TMEM45B: variants seen among roughly 807,000 people sequenced by gnomAD.
The protein encoded by TMEM45B is transmembrane protein 45B.
In TMEM45B, 29 loss-of-function variants were observed where a neutral mutation model predicts 27.3. The observed-to-expected ratio is 1.06, with a 90% confidence interval of 0.79 to 1.45. The LOEUF (loss-of-function observed/expected upper bound fraction) is 1.45, where lower values mean the gene tolerates loss of function less well. Ranked by LOEUF, TMEM45B falls within the 40% of genes most tolerant of loss-of-function variation. The pLI, the probability that TMEM45B is intolerant of heterozygous loss-of-function variation, is 0.00. For synonymous variants in TMEM45B, 143 were observed against 134.7 expected (o/e 1.06, Z -0.43); for missense variants, 348 against 343.9 (o/e 1.01, Z -0.09).
chr11:129,836,349 G>A (rs1947619815), intron 1 of TMEM45B, among the ~76,000 whole-genome samples: 1 of 152,252 alleles, frequency 6.6e-6, no homozygotes, highest in Admixed American at 6.5e-5. Context: ...TGGTTTAGAC[G>A]ATACTTACAT....
chr11:129,828,471 C>T (rs558980999), intron 1 of TMEM45B, among the ~76,000 whole-genome samples: 3 of 152,276 alleles, frequency 2.0e-5, no homozygotes, highest in Non-Finnish European at 2.9e-5. Flanking sequence ...AGAGCAGGGA[C>T]GTGACTTAGT....
At chr11:129,856,704 C>T (rs796683604) in intron 4 of TMEM45B, among the ~76,000 whole-genome samples, 5 of 147,804 alleles carry the variant, frequency 3.4e-5, no homozygotes, top group East Asian at 2.1e-4. Context: ...GGACTACAGG[C>T]GCCCGCCACC....
intron 1 of TMEM45B, among the ~76,000 whole-genome samples, chr11:129,827,595 G>A (rs1947500909): frequency 6.6e-6 from 1 of 152,052 alleles, no homozygotes; most frequent in African/African-American, 2.4e-5. Flanking sequence ...CGTGAGGTCG[G>A]GAGTTTGAGA....
chr11:129,848,173 A>G (rs1304578267), intron 1 of TMEM45B, among the ~76,000 whole-genome samples: 1 of 151,958 alleles, frequency 6.6e-6, no homozygotes, highest in Non-Finnish European at 1.5e-5. Context: ...GGCAGCTGGG[A>G]GGTGGAGGTT....
At chr11:129,849,014 C>T (rs540430119) in intron 1 of TMEM45B, among the ~76,000 whole-genome samples, 1 of 152,220 alleles carries the variant, frequency 6.6e-6, no homozygotes, top group African/African-American at 2.4e-5. Flanking sequence ...GACCCATTCA[C>T]ACCATAGCAT....
intron 1 of TMEM45B, among the ~76,000 whole-genome samples, chr11:129,849,165 A>T (rs1487023795): frequency 6.6e-6 from 1 of 152,222 alleles, no homozygotes; most frequent in African/African-American, 2.4e-5. Context: ...GTCAGGTGTG[A>T]GAGAGACTCA....
At chr11:129,843,135 T>A (rs1161042200) in intron 1 of TMEM45B, among the ~76,000 whole-genome samples, 2 of 152,148 alleles carry the variant, frequency 1.3e-5, no homozygotes, top group Non-Finnish European at 2.9e-5. Context: ...GAGATGGAGT[T>A]TTGCCATGTT....
chr11:129,833,824 T>C (rs1458143198), intron 1 of TMEM45B, among the ~76,000 whole-genome samples: 1 of 152,042 alleles, frequency 6.6e-6, no homozygotes, highest in African/African-American at 2.4e-5. Flanking sequence ...AGAAGACCAT[T>C]TGAAGAAATA....
At chr11:129,831,047 T>C (rs1018778260) in intron 1 of TMEM45B, among the ~76,000 whole-genome samples, 2 of 152,208 alleles carry the variant, frequency 1.3e-5, no homozygotes, top group African/African-American at 4.8e-5. Context: ...CTATATTTTT[T>C]CCTAGATGTA....
intron 1 of TMEM45B, among the ~76,000 whole-genome samples, chr11:129,832,022 C>A (rs1651676): frequency 0.89 from 127,495 of 143,552 alleles, 57,042 homozygotes; most frequent in East Asian, 1. Flanking sequence ...GCCGAGACCA[C>A]GCCATTGCAC....
chr11:129,854,786 C>T lies in TMEM45B; in HGVS notation c.355C>T (p.Leu119=). 1.2e-6 allele frequency: 2 copies of T among 1,614,050 alleles called. No individual in the cohort carries two copies. Among genetic ancestry groups the T allele is most frequent in the Non-Finnish European group, 1.7e-6 (2 of 1,180,038 alleles). ...VSHVPLGVDR[L]VMAVAVFMEG... ...CCACGTTCCCTTGGGGGTGGACAGACTGGTTATGGCTGTGGCAGTATTCAT... is the reference window on the plus strand; with the variant it reads ...CCACGTTCCCTTGGGGGTGGACAGATTGGTTATGGCTGTGGCAGTATTCAT... The change falls in exon 3 of 6, where the codon CTG becomes TTG. Residue 119 remains leucine, a synonymous_variant. Transcript: ENST00000281441.
chr11:129,829,961 C>G (rs1450068521), intron 1 of TMEM45B, among the ~76,000 whole-genome samples: 2 of 152,206 alleles, frequency 1.3e-5, no homozygotes, highest in Non-Finnish European at 2.9e-5. Flanking sequence ...TAACAAATGG[C>G]TGGGACACTT....
intron 1 of TMEM45B, among the ~76,000 whole-genome samples, chr11:129,826,202 G>A (rs1177694066): frequency 6.6e-6 from 1 of 151,980 alleles, no homozygotes; most frequent in Non-Finnish European, 1.5e-5. Flanking sequence ...AGACATAAAG[G>A]AATTTCAGAA....
At chr11:129,829,901 A>G (rs1283538965) in intron 1 of TMEM45B, among the ~76,000 whole-genome samples, 1 of 152,248 alleles carries the variant, frequency 6.6e-6, no homozygotes, top group Non-Finnish European at 1.5e-5. Context: ...AAGAGTAGAA[A>G]GATAGACAAG....
At chr11:129,853,776 CTG>C (rs1435446761) in intron 2 of TMEM45B, among the ~76,000 whole-genome samples, 1 of 152,112 alleles carries the variant, frequency 6.6e-6, no homozygotes, top group Non-Finnish European at 1.5e-5. Flanking sequence ...CTTCCTGACT[CTG>C]TGTGTGGGAA....
Position 129,858,633 on chromosome 11 carries a change from ATTCAGATGACACTTACCAGACCGCCCTC to A in TMEM45B, c.779_806del (p.Ser260Ter). On this transcript the variant is annotated frameshift_variant, in exon 6 of 6. Coordinates refer to ENST00000281441, the MANE Select transcript of TMEM45B (RefSeq NM_138788.5). LOFTEE classifies it high-confidence loss of function. Reference sequence around the variant, plus strand: ...GAAATCATTGGAATTCAGAAGCTGAATTCAGATGACACTTACCAGACCGCCCTCTTGAGTGGCTCAGATGAGGAATGAG... The same window carrying A: ...GAAATCATTGGAATTCAGAAGCTGAATTGAGTGGCTCAGATGAGGAATGAG... 3 of 1,584,488 alleles carry A rather than the reference ATTCAGATGACACTTACCAGACCGCCCTC, an allele frequency of 1.9e-6. No homozygotes were observed. The highest frequency in any genetic ancestry group is 2.6e-6 in the Non-Finnish European group (3 of 1,164,232).
At chr11:129,854,502 C>A in intron 2 of TMEM45B, 108 bp from the exon 3 acceptor site, 2 of 1,149,898 alleles carry the variant, frequency 1.7e-6, no homozygotes, top group Non-Finnish European at 2.5e-6. Flanking sequence ...GCGGGCCACC[C>A]TCACCTCACC....
At chr11:129,850,036 C>T (rs953804206) in intron 1 of TMEM45B, among the ~76,000 whole-genome samples, 1 of 152,162 alleles carries the variant, frequency 6.6e-6, no homozygotes, top group African/African-American at 2.4e-5. Flanking sequence ...GTTTTCTCTC[C>T]TACACACACG....
At chr11:129,837,032 C>T (rs566844224) in intron 1 of TMEM45B, among the ~76,000 whole-genome samples, 186 of 152,314 alleles carry the variant, frequency 1.2e-3, no homozygotes, top group Non-Finnish European at 2.4e-3. Flanking sequence ...GGCCCCACAA[C>T]CAAGACCCCT....
Sources: allele counts gnomAD v4.1 joint callset (sites outside exome capture counted in the v4.1 genomes callset), GRCh38; gene constraint gnomAD v4.1.1; transcripts MANE v1.5; gene names NCBI Gene and HGNC (gene_info 2026-07-23, HGNC 2026-07-21).